MTA3: variants seen among roughly 807,000 people sequenced by gnomAD.
The protein encoded by MTA3 is metastasis associated 1 family member 3, also known as metastasis-associated protein MTA3.
Under a neutral mutation model 83.5 loss-of-function variants are expected in MTA3, and 34 were observed. The ratio of observed to expected loss-of-function variants is 0.41; its 90% CI spans 0.31 to 0.54. MTA3 has a LOEUF of 0.54. MTA3 is among the 20% of genes least tolerant of loss of function. MTA3 has a pLI of 0.33. For missense variants in MTA3, 761 were observed against 726.4 expected (o/e 1.05, Z -0.55); for synonymous variants, 303 against 252.7 (o/e 1.20, Z -1.89).
At chr2:42,529,030 TAC>T (rs1407797209) in intron 2 of MTA3, among the ~76,000 whole-genome samples, 3 of 152,202 alleles carry the variant, frequency 2.0e-5, no homozygotes, top group African/African-American at 7.2e-5. Flanking sequence ...CCCGTTAAGT[TAC>T]AGTTTACCAT....
chr2:42,579,442 T>C (rs1285506833), intron 3 of MTA3, among the ~76,000 whole-genome samples: 2 of 149,036 alleles, frequency 1.3e-5, no homozygotes, highest in Non-Finnish European at 3.0e-5. Context: ...TTTTTTTTTT[T>C]CCGGAGACAA....
chr2:42,505,113 G>T (rs1430188545), intron 2 of MTA3, among the ~76,000 whole-genome samples: 1 of 152,126 alleles, frequency 6.6e-6, no homozygotes, highest in African/African-American at 2.4e-5. Flanking sequence ...ATGAGATGGG[G>T]TGGGACGTGG....
At chr2:42,639,614 A>G (rs1411316406) in intron 4 of MTA3, among the ~76,000 whole-genome samples, 1 of 152,192 alleles carries the variant, frequency 6.6e-6, no homozygotes, top group East Asian at 1.9e-4. Context: ...CCCTTGCTCT[A>G]TAGAAGGCTC....
At chr2:42,633,493 C>T (rs540561242) in intron 4 of MTA3, among the ~76,000 whole-genome samples, 1 of 152,118 alleles carries the variant, frequency 6.6e-6, no homozygotes, top group Admixed American at 6.6e-5. Context: ...GTGGGAGGAT[C>T]ACTTGAGCCT....
At chr2:42,680,933 G>A (rs1473655554) in intron 8 of MTA3, among the ~76,000 whole-genome samples, 1 of 152,056 alleles carries the variant, frequency 6.6e-6, no homozygotes, top group African/African-American at 2.4e-5. Context: ...GTAGAGACGG[G>A]GTTTCACTGT....
intron 2 of MTA3, among the ~76,000 whole-genome samples, chr2:42,543,937 T>C (rs1219849411): frequency 6.6e-6 from 1 of 152,098 alleles, no homozygotes; most frequent in Non-Finnish European, 1.5e-5. Context: ...GTGGTCCTCC[T>C]GTTAGAGAAA....
chr2:42,658,520 C>T (rs1689382608), intron 7 of MTA3, among the ~76,000 whole-genome samples: 1 of 152,034 alleles, frequency 6.6e-6, no homozygotes, highest in African/African-American at 2.4e-5. Context: ...CATGGATGAA[C>T]CCACAAACGT....
At chr2:42,525,719 A>G (rs1675678465) in intron 2 of MTA3, among the ~76,000 whole-genome samples, 1 of 151,150 alleles carries the variant, frequency 6.6e-6, no homozygotes, top group Non-Finnish European at 1.5e-5. Flanking sequence ...GCACAGTGGC[A>G]CAATCTCGGC....
chr2:42,535,281 G>T (rs541386396), intron 2 of MTA3, among the ~76,000 whole-genome samples: 109 of 152,244 alleles, frequency 7.2e-4, no homozygotes, highest in African/African-American at 2.6e-3. Flanking sequence ...CAGCTACTCG[G>T]GAGGCTGAGG....
chr2:42,550,989 G>T (rs1300992051), intron 2 of MTA3, among the ~76,000 whole-genome samples: 3 of 151,722 alleles, frequency 2.0e-5, no homozygotes, highest in Non-Finnish European at 4.4e-5. Flanking sequence ...AGGGGAGGTT[G>T]CAGTGAGCAG....
At chr2:42,517,619 G>A (rs1339828772) in intron 2 of MTA3, among the ~76,000 whole-genome samples, 2 of 149,810 alleles carry the variant, frequency 1.3e-5, no homozygotes, top group Admixed American at 1.3e-4. Context: ...GCTCATGCCT[G>A]TAATATCCTA....
intron 2 of MTA3, among the ~76,000 whole-genome samples, chr2:42,560,870 G>A (rs1257160288): frequency 6.6e-6 from 1 of 152,180 alleles, no homozygotes; most frequent in East Asian, 1.9e-4. Context: ...TCTAGCCACT[G>A]TACTTCAGCC....
intron 8 of MTA3, among the ~76,000 whole-genome samples, chr2:42,668,364 C>T (rs1016357920): frequency 3.3e-5 from 5 of 152,172 alleles, no homozygotes; most frequent in African/African-American, 1.2e-4. Context: ...CTCTTAAGGC[C>T]CCATAGAGGC....
intron 3 of MTA3, among the ~76,000 whole-genome samples, chr2:42,604,902 A>G (rs1348472504): frequency 2.7e-5 from 4 of 148,888 alleles, no homozygotes; most frequent in Non-Finnish European, 6.0e-5. Flanking sequence ...GGTTGGGGGT[A>G]AGGTCACAGA....
chr2:42,518,197 A>G (rs1252537244), intron 2 of MTA3, among the ~76,000 whole-genome samples: 2 of 152,174 alleles, frequency 1.3e-5, no homozygotes, highest in Non-Finnish European at 2.9e-5. Context: ...AAAGAAAATA[A>G]AAGAAAATAC....
At chr2:42,705,150 G>A (rs1030579161) in intron 12 of MTA3, among the ~76,000 whole-genome samples, 2 of 152,156 alleles carry the variant, frequency 1.3e-5, no homozygotes, top group Non-Finnish European at 2.9e-5. Context: ...CGATTACGTC[G>A]ATTGATCCCA....
At chr2:42,717,650 G>C (rs1667121803) in intron 14 of MTA3, among the ~76,000 whole-genome samples, 1 of 151,950 alleles carries the variant, frequency 6.6e-6, no homozygotes, top group African/African-American at 2.4e-5. Flanking sequence ...GAAATACTCT[G>C]TTTGCACACA....
chr2:42,575,786 G>A (rs537780510), intron 2 of MTA3, among the ~76,000 whole-genome samples: 1 of 152,156 alleles, frequency 6.6e-6, no homozygotes. Context: ...TTATTGGGTT[G>A]CACATCTAGG....
chr2:42,683,202 C>T (rs909549484), intron 9 of MTA3, among the ~76,000 whole-genome samples: 2 of 152,208 alleles, frequency 1.3e-5, no homozygotes, highest in African/African-American at 2.4e-5. Context: ...CAGCTTTTCT[C>T]ACCATTTGCG....
Sources: gnomAD v4.1 joint callset for allele counts (sites outside exome capture counted in the v4.1 genomes callset) on GRCh38, gnomAD v4.1.1 for gene constraint, MANE v1.5 for transcripts, NCBI Gene and HGNC (gene_info 2026-07-23, HGNC 2026-07-21) for gene names.